The following SNTB1 variants were observed in gnomAD, a reference collection of about 807,000 sequenced individuals.
SNTB1 encodes the protein syntrophin beta 1, also known as beta-1-syntrophin.
A neutral mutation model predicts 48.9 loss-of-function variants in SNTB1; 36 were observed. The ratio of observed to expected loss-of-function variants is 0.74; its 90% CI spans 0.56 to 0.97. The LOEUF is 0.97. Among genes scored for constraint, SNTB1 ranks in the 50% least tolerant of loss-of-function variants. The pLI is 0.00. For synonymous variants in SNTB1, 299 were observed against 294.6 expected, an observed-to-expected ratio of 1.01 and a Z score of -0.15; for missense variants, 786 against 703.4, an observed-to-expected ratio of 1.12 and a Z score of -1.33.
At chr8:120,570,808 A>G (rs4451342) in intron 4 of SNTB1, 29,296 of 159,666 alleles carry the variant, frequency 0.18, 3,337 homozygotes, top group East Asian at 0.46. Flanking sequence ...TGGAATGCTC[A>G]TGCCCCTCTC....
chr8:120,781,653 G>A (rs2130130225), intron 1 of SNTB1, among the ~76,000 whole-genome samples: 1 of 152,286 alleles, frequency 6.6e-6, no homozygotes, highest in African/African-American at 2.4e-5. Context: ...TTATACGTGT[G>A]TGGCCAACCT....
In SNTB1 at chr8:120,575,224, A is replaced by C. The variant is rs1329884760; in HGVS notation, c.998T>G (p.Val333Gly). 1.2e-6 allele frequency: 2 copies of C among 1,614,044 alleles called. No individual in the cohort carries two copies. The highest frequency in any genetic ancestry group is 8.5e-7 in the Non-Finnish European group (1 of 1,180,014). ...IRHLGWLAEKVPGESKKQWKP... is the reference protein window; with the variant it reads ...IRHLGWLAEKGPGESKKQWKP... ...CCACTGTTTCTTGCTCTCCCCTGGC[A>C]CCTGAAAAAGAAAGCAGAGAACTGT... Residue 333 changes from valine to glycine, a missense_variant and splice_region_variant, in exon 4 of 7, where the codon GTG becomes GGG. By Grantham distance (109) the Val-to-Gly change is moderately radical. Transcript: ENST00000517992.
chr8:120,683,413 T>C (rs117116113), intron 2 of SNTB1, among the ~76,000 whole-genome samples: 66 of 152,270 alleles, frequency 4.3e-4, no homozygotes, highest in Non-Finnish European at 7.4e-4. Context: ...AAAAATGTGC[T>C]TGTTTGTGTA....
intron 6 of SNTB1, among the ~76,000 whole-genome samples, chr8:120,539,706 C>A (rs144052377): frequency 6.6e-6 from 1 of 152,188 alleles, no homozygotes; most frequent in East Asian, 1.9e-4. Context: ...TCTCAATTCT[C>A]TTCTGCTGTC....
At chr8:120,582,486 A>T (rs1816063984) in intron 3 of SNTB1, among the ~76,000 whole-genome samples, 1 of 152,188 alleles carries the variant, frequency 6.6e-6, no homozygotes. Flanking sequence ...GTTCAACAAA[A>T]CCAAAATCTG....
intron 3 of SNTB1, among the ~76,000 whole-genome samples, chr8:120,621,782 C>A (rs527363715): frequency 1.3e-5 from 2 of 152,178 alleles, no homozygotes; most frequent in East Asian, 3.9e-4. Flanking sequence ...TCATGCACCC[C>A]CAGGTTTCAC....
At chr8:120,558,378 T>A (rs763969100) in intron 4 of SNTB1, among the ~76,000 whole-genome samples, 5 of 152,166 alleles carry the variant, frequency 3.3e-5, no homozygotes, top group Non-Finnish European at 5.9e-5. Context: ...GAAGCTGAAT[T>A]TGAAGCTGAA....
chr8:120,792,033 T>C (rs1216573561), intron 1 of SNTB1, among the ~76,000 whole-genome samples: 1 of 151,728 alleles, frequency 6.6e-6, no homozygotes, highest in Non-Finnish European at 1.5e-5. Flanking sequence ...TGTAAAGATA[T>C]GGAAATGACT....
intron 1 of SNTB1, among the ~76,000 whole-genome samples, chr8:120,755,663 G>C (rs1218419001): frequency 1.3e-5 from 2 of 152,132 alleles, no homozygotes; most frequent in Non-Finnish European, 2.9e-5. Flanking sequence ...AGTAGTAGTG[G>C]TGGTGGTGGT....
intron 1 of SNTB1, among the ~76,000 whole-genome samples, chr8:120,761,735 G>C (rs914124202): frequency 6.6e-6 from 1 of 152,154 alleles, no homozygotes; most frequent in East Asian, 1.9e-4. Flanking sequence ...GAAGAAAACT[G>C]CTTTTTTCAG....
chr8:120,792,606 C>T (rs1393126688), intron 1 of SNTB1, among the ~76,000 whole-genome samples: 2 of 152,028 alleles, frequency 1.3e-5, no homozygotes, highest in Admixed American at 6.6e-5. Flanking sequence ...GTGGCAAGTC[C>T]TATATTTTAC....
chr8:120,567,160 G>C (rs1164276944), intron 4 of SNTB1, among the ~76,000 whole-genome samples: 1 of 152,088 alleles, frequency 6.6e-6, no homozygotes, highest in Non-Finnish European at 1.5e-5. Context: ...TAACCTTATG[G>C]GGTTGTGAGG....
At chr8:120,745,794 G>A (rs1162503444) in intron 1 of SNTB1, among the ~76,000 whole-genome samples, 1 of 152,048 alleles carries the variant, frequency 6.6e-6, no homozygotes, top group African/African-American at 2.4e-5. Flanking sequence ...CTGCCATGAC[G>A]CTGGACACTC....
chr8:120,774,841 A>G (rs1819704214), intron 1 of SNTB1, among the ~76,000 whole-genome samples: 1 of 151,950 alleles, frequency 6.6e-6, no homozygotes, highest in African/African-American at 2.4e-5. Context: ...TTTGGTAGAG[A>G]TGGGGTTTCA....
rs780546773 is a variant in SNTB1 at position 120,693,791 on chromosome 8, G to C, written c.689C>G (p.Pro230Arg). 1.9e-6 allele frequency: 3 copies of C among 1,613,642 alleles called. No individual in the cohort carries two copies. Among genetic ancestry groups the C allele is most frequent in the Non-Finnish European group, 2.5e-6 (3 of 1,179,780 alleles). The change falls in exon 2 of 7, where the codon CCG becomes CGG. Residue 230 changes from proline to arginine, a missense_variant. Transcript: ENST00000517992. ...GTGGAAGGAGAAGGACTGCGATGAC[G>C]GGGGGTCTGAGGTGCTGCCCCCTAA... ...PRLGGSTSDP[P>R]SSQSFSFHRD...
chr8:120,677,063 C>CAAA (rs11398062), intron 2 of SNTB1, among the ~76,000 whole-genome samples: 15 of 129,764 alleles, frequency 1.2e-4, no homozygotes, highest in African/African-American at 1.1e-4. Flanking sequence ...GACCCTATCT[C>CAAA]AAAAAAAAAA....
chr8:120,698,624 TG>T (rs1184211168), intron 1 of SNTB1, among the ~76,000 whole-genome samples: 1 of 152,116 alleles, frequency 6.6e-6, no homozygotes, highest in Non-Finnish European at 1.5e-5. Context: ...AGTAATAAAA[TG>T]GTCAAGATGG....
chr8:120,672,252 G>C (rs1002808635), intron 2 of SNTB1, among the ~76,000 whole-genome samples: 4 of 152,134 alleles, frequency 2.6e-5, no homozygotes, highest in Non-Finnish European at 4.4e-5. Context: ...GGCTTATCAG[G>C]ATGTAACCCC....
At position 120,773,188 on chromosome 8, in the gene SNTB1, ATCT is replaced by A. The variant is rs1481150781; in HGVS notation, c.571+38082_571+38084del. 1.1e-4 allele frequency among the ~76,000 whole-genome samples: 16 copies of A among 152,282 alleles called. No homozygotes were observed. The South Asian group carries it at 3.1e-3, about 30-fold the overall frequency. On this transcript the variant is annotated intron_variant, in intron 1 of 6. Transcript: ENST00000517992. ...ATGAACTTGGGGTAATATGGAGGAA[ATCT>A]TCTTAGAGAAGCCTATTTTGAAGTG...
Sources: gnomAD v4.1 joint callset for allele counts (sites outside exome capture counted in the v4.1 genomes callset) on GRCh38, gnomAD v4.1.1 for gene constraint, MANE v1.5 for transcripts, NCBI Gene and HGNC (gene_info 2026-07-23, HGNC 2026-07-21) for gene names.